Variants in PHACTR4 observed in about 807,000 individuals in gnomAD.
PHACTR4 encodes protein phosphatase 1, regulatory subunit 124.
Under a neutral mutation model 72.7 loss-of-function variants are expected in PHACTR4, and 51 were observed. That is an observed-to-expected ratio of 0.70 (90% CI 0.56 to 0.89). The LOEUF (loss-of-function observed/expected upper bound fraction) is 0.89, where lower values mean the gene tolerates loss of function less well. PHACTR4 is among the 40% of genes least tolerant of loss of function. PHACTR4 has a pLI of 0.00. For missense variants in PHACTR4, 731 were observed against 861.8 expected (o/e 0.85, Z 1.90); for synonymous variants, 255 against 302.5 (o/e 0.84, Z 1.63).
chr1:28,413,493 A>G (rs1002206589), intron 2 of PHACTR4, among the ~76,000 whole-genome samples: 1 of 152,098 alleles, frequency 6.6e-6, no homozygotes, highest in Admixed American at 6.5e-5. Flanking sequence ...CTTGGTTGCC[A>G]GTAGCTTTTT....
chr1:28,458,024 G>T (rs1658518693), intron 2 of PHACTR4, among the ~76,000 whole-genome samples: 2 of 151,106 alleles, frequency 1.3e-5, no homozygotes, highest in African/African-American at 4.9e-5. Context: ...ATTATGAGGG[G>T]TTCATGGCCT....
chr1:28,375,037 G>A (rs995785808), intron 1 of PHACTR4, among the ~76,000 whole-genome samples: 3 of 152,168 alleles, frequency 2.0e-5, no homozygotes, highest in East Asian at 1.9e-4. Context: ...GGTGGCTCAC[G>A]CCTGTAATCC....
rs565027733 is a variant in PHACTR4 at position 28,415,987 on chromosome 1, G to A, written c.16+8524G>A. Among the ~76,000 whole-genome samples the A allele has an allele frequency of 1.7e-3, 257 of 152,162 alleles. 1 individual carries two copies. The highest frequency in any genetic ancestry group is 3.3e-3 in the Non-Finnish European group (226 of 67,988). ...TTTTTCTAGCTGTTTAAGAACATTT[G>A]CCAAGGAGCCAAACTCAAGACATAA... On this transcript the variant is annotated intron_variant, in intron 2 of 13. Coordinates refer to ENST00000373839, the MANE Select transcript of PHACTR4 (RefSeq NM_001048183.3).
At chr1:28,481,775 G>A (rs1660296495) in intron 9 of PHACTR4, among the ~76,000 whole-genome samples, 1 of 147,618 alleles carries the variant, frequency 6.8e-6, no homozygotes, top group South Asian at 2.1e-4. Flanking sequence ...GGGCAACAGA[G>A]TGAGACTCCA....
At chr1:28,464,522 C>T (rs547895191) in intron 4 of PHACTR4, among the ~76,000 whole-genome samples, 73 of 152,216 alleles carry the variant, frequency 4.8e-4, no homozygotes, top group Admixed American at 3.1e-3. Context: ...AAGGCCCATT[C>T]TGGTAACATA....
intron 2 of PHACTR4, chr1:28,453,815 C>A: frequency 1.1e-6 from 1 of 882,916 alleles, no homozygotes. Context: ...AATCATGATG[C>A]TGACAGAGCA....
chr1:28,386,176 C>T (rs547138379), intron 1 of PHACTR4, among the ~76,000 whole-genome samples: 2 of 152,144 alleles, frequency 1.3e-5, no homozygotes, highest in East Asian at 3.9e-4. Context: ...TCATTGCAGC[C>T]TCCACCTCCC....
chr1:28,403,040 A>G (rs1020553430), intron 1 of PHACTR4, among the ~76,000 whole-genome samples: 12 of 152,232 alleles, frequency 7.9e-5, no homozygotes, highest in Non-Finnish European at 1.3e-4. Flanking sequence ...ATAGCTTAAT[A>G]TTAGAATTGG....
At position 28,473,728 on chromosome 1, in the gene PHACTR4, A is replaced by G. The variant is rs749738531; in HGVS notation, c.998A>G (p.Glu333Gly). Residue 333 changes from glutamate to glycine, a missense_variant, in exon 7 of 14, where the codon GAA becomes GGA. Physicochemically the swap from Glu to Gly is moderately conservative, Grantham distance 98. Coordinates refer to ENST00000373839, the MANE Select transcript of PHACTR4 (RefSeq NM_001048183.3). ...AAGAGCACGTGTTCTATGGGCTCGG[A>G]ACTACTACCAATGATCTCACCTCGC... ...REKSTCSMGS[E>G]LLPMISPRSP... 4 of 1,613,906 alleles carry G rather than the reference A, an allele frequency of 2.5e-6. No homozygotes were observed. The South Asian group carries it at 4.4e-5, about 18-fold the overall frequency.
At chr1:28,459,031 A>G (rs955754683) in intron 2 of PHACTR4, 54 bp from the exon 3 acceptor site, 65 of 1,491,516 alleles carry the variant, frequency 4.4e-5, no homozygotes, top group Non-Finnish European at 5.7e-5. Flanking sequence ...CATTTTAGAG[A>G]TTATGCTGAA....
At chr1:28,450,232 G>T (rs74064843) in intron 2 of PHACTR4, among the ~76,000 whole-genome samples, 1 of 151,104 alleles carries the variant, frequency 6.6e-6, no homozygotes, top group Non-Finnish European at 1.5e-5. Flanking sequence ...ACACACAATT[G>T]TAAAACTATA....
chr1:28,463,118 G>A (rs191894695), intron 4 of PHACTR4, among the ~76,000 whole-genome samples: 92 of 152,132 alleles, frequency 6.0e-4, no homozygotes, highest in Admixed American at 2.3e-3. Context: ...AGGATGGCTT[G>A]AGCCCAGAAG....
At chr1:28,433,798 T>C (rs537275698) in intron 2 of PHACTR4, among the ~76,000 whole-genome samples, 6 of 151,254 alleles carry the variant, frequency 4.0e-5, no homozygotes, top group African/African-American at 1.5e-4. Flanking sequence ...TTATTTTATT[T>C]TTTGAGACAG....
chr1:28,390,371 A>G (rs887639767), intron 1 of PHACTR4, among the ~76,000 whole-genome samples: 1 of 152,194 alleles, frequency 6.6e-6, no homozygotes, highest in Non-Finnish European at 1.5e-5. Flanking sequence ...CAATCTTACA[A>G]TTCTCATATA....
chr1:28,399,320 T>G (rs2124239555), intron 1 of PHACTR4, among the ~76,000 whole-genome samples: 1 of 152,156 alleles, frequency 6.6e-6, no homozygotes, highest in South Asian at 2.1e-4. Flanking sequence ...TCAAAAAATA[T>G]ATATATGATG....
At chr1:28,377,281 C>G (rs1651757496) in intron 1 of PHACTR4, among the ~76,000 whole-genome samples, 1 of 150,384 alleles carries the variant, frequency 6.6e-6, no homozygotes, top group South Asian at 2.1e-4. Context: ...CTCTGTCACC[C>G]AGGCTGGAGT....
At chr1:28,376,664 T>C (rs1490863539) in intron 1 of PHACTR4, among the ~76,000 whole-genome samples, 1 of 147,026 alleles carries the variant, frequency 6.8e-6, no homozygotes, top group Admixed American at 6.9e-5. Flanking sequence ...TGAGACGGAG[T>C]CTTGCTCTGT....
chr1:28,447,011 TTTA>T (rs747362474), intron 2 of PHACTR4, among the ~76,000 whole-genome samples: 96 of 151,832 alleles, frequency 6.3e-4, no homozygotes, highest in Non-Finnish European at 1.1e-3. Context: ...TTTTTATTTA[TTTA>T]TTTATTTATT....
intron 12 of PHACTR4, among the ~76,000 whole-genome samples, chr1:28,492,630 C>T (rs1033868874): frequency 2.0e-5 from 3 of 151,460 alleles, no homozygotes; most frequent in Non-Finnish European, 2.9e-5. Flanking sequence ...CGTGGTAGTG[C>T]GCACCTGTAA....
Sources: gnomAD v4.1 joint callset for allele counts (sites outside exome capture counted in the v4.1 genomes callset) on GRCh38, gnomAD v4.1.1 for gene constraint, MANE v1.5 for transcripts, NCBI Gene and HGNC (gene_info 2026-07-23, HGNC 2026-07-21) for gene names.